Variants in SRSF12 observed in about 807,000 individuals in gnomAD.
SRSF12 encodes serine and arginine rich splicing factor 12, also known as serine/arginine-rich splicing factor 12.
SRSF12 carries 21 observed loss-of-function variants against 34.1 expected under a neutral mutation model. That is an observed-to-expected ratio of 0.62 (90% CI 0.44 to 0.89). The LOEUF is 0.89. Ranked by LOEUF, SRSF12 falls within the 40% of genes least tolerant of loss-of-function variation. SRSF12 has a pLI of 0.00. For synonymous variants in SRSF12, 111 were observed against 110.8 expected (o/e 1.00, Z -0.01); for missense variants, 278 against 327.8 (o/e 0.85, Z 1.17).
At chr6:89,110,881 C>G (rs1769015805) in intron 1 of SRSF12, among the ~76,000 whole-genome samples, 1 of 151,968 alleles carries the variant, frequency 6.6e-6, no homozygotes. Flanking sequence ...TTTGGGAGGC[C>G]AAGGTGGGAG....
Position 89,098,832 on chromosome 6 carries a change from C to T in SRSF12, c.532G>A (p.Gly178Arg). The stretch of plus-strand genomic sequence containing the variant: ...TGTAAGGACTTGGACCTTGACCGTC[C>T]TCTAGAGCCAAAATTCCTTCTTGGA... ...RTPRRNFGSR[G>R]RSRSKSLQKR... The change falls in exon 5 of 5, where the codon GGA becomes AGA. Residue 178 changes from glycine (G) to arginine (R), a missense_variant. Gly to Arg is a moderately radical substitution (Grantham distance 125). Transcript: ENST00000452027. 6.2e-7 allele frequency: 1 copy of T among 1,613,944 alleles called. No individual in the cohort carries two copies. The highest frequency in any genetic ancestry group is 8.5e-7 in the Non-Finnish European group (1 of 1,179,888).
chr6:89,109,952 G>A (rs184681956), intron 1 of SRSF12, among the ~76,000 whole-genome samples: 9 of 152,094 alleles, frequency 5.9e-5, no homozygotes, highest in Non-Finnish European at 1.2e-4. Context: ...TTAACTGGGC[G>A]TGGTGGCGGG....
Position 89,105,463 on chromosome 6 carries a change from G to C in SRSF12, c.238C>G (p.Gln80Glu). 4 of 1,610,914 alleles carry C rather than the reference G, an allele frequency of 2.5e-6. No homozygotes were observed. Among genetic ancestry groups the C allele is most frequent in the Non-Finnish European group, 3.4e-6 (4 of 1,178,994 alleles). ...CCTTGTGCAAACTGTATTTCAATCT[G>C]ACGGCCACATACCCACTTTCTATTG... ...NLNRKWVCGR[Q>E]IEIQFAQGDR... is the part of the protein sequence containing the mutation. The change falls in exon 3 of 5, where the codon CAG (glutamine) becomes GAG (glutamate). Residue 80 changes from glutamine to glutamate, a missense_variant. Coordinates refer to ENST00000452027, the MANE Select transcript of SRSF12 (RefSeq NM_080743.5).
intron 1 of SRSF12, among the ~76,000 whole-genome samples, chr6:89,115,087 C>T (rs112956164): frequency 0.012 from 1,856 of 151,938 alleles, 27 homozygotes; most frequent in Non-Finnish European, 0.015. Flanking sequence ...TGAGCCACCA[C>T]GCCCGGCCAC....
Position 89,099,437 on chromosome 6 carries a change from T to TACAC in SRSF12, c.417-491_417-490insGTGT, listed in dbSNP as rs1473826633. Among the ~76,000 whole-genome samples, 678 of 131,570 alleles carry TACAC rather than the reference T, an allele frequency of 5.2e-3. 24 individuals carry two copies. Among genetic ancestry groups the TACAC allele is most frequent in the African/African-American group, 0.019 (647 of 34,872 alleles). The allele number at this position is 131,570 out of a possible 152,430, so 86.3% of individuals were successfully genotyped here. On this transcript the variant is annotated intron_variant, in intron 4 of 4. Transcript: ENST00000452027. Reference sequence around the variant, plus strand: ...ATACATATATATATGTGTGTATATATATACACATATATATGTGTGTATATA... The same window carrying TACAC: ...ATACATATATATATGTGTGTATATATACACATACACATATATATGTGTGTATATA...
chr6:89,102,063 G>GTTA (rs1173542524), intron 4 of SRSF12, among the ~76,000 whole-genome samples: 5 of 151,640 alleles, frequency 3.3e-5, no homozygotes, highest in Non-Finnish European at 5.9e-5. Context: ...ATACTAGATA[G>GTTA]TAACATTGAA....
intron 1 of SRSF12, among the ~76,000 whole-genome samples, chr6:89,112,803 A>G (rs1442982067): frequency 1.3e-5 from 2 of 152,212 alleles, no homozygotes; most frequent in Non-Finnish European, 2.9e-5. Flanking sequence ...ATGATGAACC[A>G]TATATATCAT....
intron 1 of SRSF12, among the ~76,000 whole-genome samples, chr6:89,114,986 C>T (rs1348229369): frequency 3.3e-5 from 5 of 152,006 alleles, no homozygotes; most frequent in African/African-American, 7.2e-5. Context: ...TTAGTAGAGA[C>T]GGTGTTTTAC....
chr6:89,114,277 A>G (rs1162410850), intron 1 of SRSF12, among the ~76,000 whole-genome samples: 1 of 152,106 alleles, frequency 6.6e-6, no homozygotes, highest in Admixed American at 6.5e-5. Flanking sequence ...AAAATACAAA[A>G]ATTAGCCAGG....
At chr6:89,110,372 T>C (rs1035511742) in intron 1 of SRSF12, among the ~76,000 whole-genome samples, 3 of 152,292 alleles carry the variant, frequency 2.0e-5, no homozygotes, top group Middle Eastern at 3.4e-3. Context: ...AGGGTTTAAA[T>C]ACCCTCTAAG....
intron 2 of SRSF12, chr6:89,106,653 C>G (rs900220401): frequency 5.9e-6 from 1 of 168,984 alleles, no homozygotes; most frequent in Non-Finnish European, 1.3e-5. Context: ...GCTCAAGATA[C>G]ACAATATAAA....
intron 1 of SRSF12, among the ~76,000 whole-genome samples, chr6:89,113,405 C>T (rs1337943940): frequency 6.6e-6 from 1 of 152,156 alleles, no homozygotes; most frequent in Non-Finnish European, 1.5e-5. Flanking sequence ...AACTCCTGAC[C>T]TCGTGATCCG....
chr6:89,111,109 C>CTT (rs75997148), intron 1 of SRSF12, among the ~76,000 whole-genome samples: 2 of 120,738 alleles, frequency 1.7e-5, no homozygotes, highest in South Asian at 2.5e-4. Flanking sequence ...TGAGACTTGT[C>CTT]TTTTTTTTTT....
intron 1 of SRSF12, 145 bp from the exon 2 acceptor site, chr6:89,107,403 A>T (rs1768844493): frequency 1.6e-6 from 1 of 638,488 alleles, no homozygotes; most frequent in Non-Finnish European, 2.7e-6. Context: ...GAATCATGCA[A>T]GGTTTTGAAA....
rs188227157 is a variant in SRSF12 at position 89,116,872 on chromosome 6, G to A, written c.65+951C>T. On this transcript the variant is annotated intron_variant, in intron 1 of 4. Coordinates refer to ENST00000452027, the MANE Select transcript of SRSF12 (RefSeq NM_080743.5). ...TCATCTCAGATGACTATGGAGTCAA[G>A]AGCTCCATGTATCTATACCTCTCTG... is the stretch of plus-strand genomic sequence containing the variant. Among the ~76,000 whole-genome samples the A allele has an allele frequency of 8.5e-4, 129 of 151,956 alleles. 1 individual carries two copies. The highest frequency in any genetic ancestry group is 1.2e-3 in the South Asian group (6 of 4,812).
chr6:89,115,860 C>T (rs755689206), intron 1 of SRSF12, among the ~76,000 whole-genome samples: 1 of 151,838 alleles, frequency 6.6e-6, no homozygotes, highest in Non-Finnish European at 1.5e-5. Flanking sequence ...TGGTTTCCAT[C>T]TCCTGACCTC....
intron 4 of SRSF12, among the ~76,000 whole-genome samples, chr6:89,099,621 C>T (rs1378003667): frequency 6.6e-6 from 1 of 151,344 alleles, no homozygotes; most frequent in African/African-American, 2.4e-5. Flanking sequence ...CCGCAACCTC[C>T]GCCTCCCAGG....
intron 2 of SRSF12, 125 bp downstream of exon 2, chr6:89,107,029 T>C: frequency 9.8e-7 from 1 of 1,016,902 alleles, no homozygotes; most frequent in Admixed American, 2.0e-5. Context: ...TTAGATCTTC[T>C]GAGATAAAGA....
In SRSF12 at chr6:89,098,277, T is replaced by C. The variant is rs1241381300; in HGVS notation, c.*301A>G. On this transcript the variant is annotated 3_prime_UTR_variant, in exon 5 of 5. Coordinates refer to ENST00000452027, the MANE Select transcript of SRSF12 (RefSeq NM_080743.5). ...ATTAATAGTACTAATACTATGCAAGTAGAATTTTAAAAATTAGTTCCAGTT... is the reference window on the plus strand; with the variant it reads ...ATTAATAGTACTAATACTATGCAAGCAGAATTTTAAAAATTAGTTCCAGTT... The C allele has an allele frequency of 7.9e-6, 2 of 252,376 alleles. No individual in the cohort carries two copies. The highest frequency in any genetic ancestry group is 6.1e-5 in the South Asian group (1 of 16,312). The allele number at this position is 252,376 out of a possible 1,614,324, so 15.6% of individuals were successfully genotyped here.
Sources: allele counts gnomAD v4.1 joint callset (sites outside exome capture counted in the v4.1 genomes callset), GRCh38; gene constraint gnomAD v4.1.1; transcripts MANE v1.5; gene names NCBI Gene and HGNC (gene_info 2026-07-23, HGNC 2026-07-21).